ATRX: variants seen among roughly 807,000 people sequenced by gnomAD.
ATRX encodes the protein ATRX chromatin remodeler.
ATRX carries 12 observed loss-of-function variants against 172.6 expected under a neutral mutation model. The ratio of observed to expected loss-of-function variants is 0.07; its 90% CI spans 0.04 to 0.11. ATRX has a LOEUF of 0.11. Among genes scored for constraint, ATRX ranks in the 10% least tolerant of loss-of-function variants. The pLI, the probability that ATRX is intolerant of heterozygous loss-of-function variation, is 1.00. For missense variants in ATRX, 1,368 were observed against 1,767.4 expected (o/e 0.77, Z 4.05); for synonymous variants, 674 against 594.7 (o/e 1.13, Z -1.94).
At chrX:77,564,617 C>T (rs1449978905) in intron 28 of ATRX, among the ~76,000 whole-genome samples, 7 of 110,412 alleles carry the variant, frequency 6.3e-5, no homozygotes, top group Non-Finnish European at 1.3e-4. Flanking sequence ...AACTCCTGGG[C>T]TCAAGTGATC....
chrX:77,667,689 A>C, intron 10 of ATRX, among the ~76,000 whole-genome samples: 1 of 112,040 alleles, frequency 8.9e-6, no homozygotes, highest in East Asian at 2.8e-4. Context: ...CAAGTTCTGG[A>C]TTGTCATTAG....
rs782209184 is a variant in ATRX, at chrX:77,617,895, T to A, written c.5448+911A>T. 1.8e-3 allele frequency among the ~76,000 whole-genome samples: 194 copies of A among 109,562 alleles called. 2 individuals are homozygous for A. The highest frequency in any genetic ancestry group is 5.9e-3 in the African/African-American group (176 of 30,071). On this transcript the variant is annotated intron_variant, in intron 21 of 34. Coordinates refer to ENST00000373344, the MANE Select transcript of ATRX (RefSeq NM_000489.6). ...CCGTGGCTGGCTAATTTTTTAAAAC[T>A]TTTTTTAGAGACAGGGTCTTGCTCT...
chrX:77,576,574 T>C (rs2065628043), intron 27 of ATRX, among the ~76,000 whole-genome samples: 1 of 111,410 alleles, frequency 9.0e-6, no homozygotes, highest in African/African-American at 3.3e-5. Context: ...AAGGGTAATT[T>C]ATTCCCTTAC....
At chrX:77,659,750 C>T (rs1603121175) in intron 12 of ATRX, among the ~76,000 whole-genome samples, 1 of 111,546 alleles carries the variant, frequency 9.0e-6, no homozygotes, top group Middle Eastern at 4.6e-3. Flanking sequence ...TCACATGTTG[C>T]ACTTTGTTCT....
chrX:77,595,126 ATACT>A (rs2148122491), intron 25 of ATRX: 1 of 112,345 alleles, frequency 8.9e-6, no homozygotes, highest in East Asian at 2.8e-4. Flanking sequence ...CATTTTAGAC[ATACT>A]TATAGTCTTT....
At chrX:77,704,816 A>G (rs1213872356) in intron 2 of ATRX, among the ~76,000 whole-genome samples, 1 of 112,115 alleles carries the variant, frequency 8.9e-6, no homozygotes, top group Non-Finnish European at 1.9e-5. Flanking sequence ...CAGCAGGAGC[A>G]GGCACTCCCA....
intron 27 of ATRX, among the ~76,000 whole-genome samples, chrX:77,581,788 T>A (rs1557074046): frequency 8.9e-6 from 1 of 112,006 alleles, no homozygotes; most frequent in East Asian, 2.8e-4. Context: ...ACAAAACAAG[T>A]CTTAAAACAT....
intron 30 of ATRX, among the ~76,000 whole-genome samples, chrX:77,531,150 C>T (rs1195373854): frequency 9.0e-6 from 1 of 111,238 alleles, no homozygotes; most frequent in Non-Finnish European, 1.9e-5. Flanking sequence ...AATAGCCTAC[C>T]AGCCAAAAAA....
intron 15 of ATRX, among the ~76,000 whole-genome samples, chrX:77,650,633 A>G (rs2069166638): frequency 9.0e-6 from 1 of 110,745 alleles, no homozygotes; most frequent in Non-Finnish European, 1.9e-5. Flanking sequence ...CACCCAGACT[A>G]AAGTGCAATG....
intron 1 of ATRX, among the ~76,000 whole-genome samples, chrX:77,737,220 C>T (rs1291563111): frequency 5.5e-5 from 6 of 109,916 alleles, no homozygotes; most frequent in Admixed American, 2.9e-4. Context: ...GTCAGGAGTT[C>T]GATAGCAGCC....
At chrX:77,652,042 C>T (rs2069271187) in intron 15 of ATRX, 72 bp downstream of exon 15, 10 of 1,135,488 alleles carry the variant, frequency 8.8e-6, no homozygotes, top group Admixed American at 4.4e-5. Context: ...CCCAAGAGTT[C>T]GAGGCCAGCC....
At chrX:77,646,916 CTG>C (rs1176500850) in intron 15 of ATRX, among the ~76,000 whole-genome samples, 2 of 105,617 alleles carry the variant, frequency 1.9e-5, no homozygotes, top group Non-Finnish European at 3.9e-5. Context: ...GAGCAAGACA[CTG>C]TGTCTTTAAA....
At chrX:77,765,898 C>G (rs1262542441) in intron 1 of ATRX, among the ~76,000 whole-genome samples, 9 of 107,821 alleles carry the variant, frequency 8.3e-5, no homozygotes, top group African/African-American at 2.0e-4. Context: ...TGATTCTTAA[C>G]GAGCATGCTG....
At chrX:77,760,516 T>C (rs1281796091) in intron 1 of ATRX, among the ~76,000 whole-genome samples, 1 of 105,617 alleles carries the variant, frequency 9.5e-6, no homozygotes, top group Non-Finnish European at 2.0e-5. Context: ...ATATACCTAA[T>C]GCTAGATGAC....
intron 2 of ATRX, among the ~76,000 whole-genome samples, chrX:77,700,278 A>G (rs1557152717): frequency 8.9e-6 from 1 of 112,295 alleles, no homozygotes; most frequent in Non-Finnish European, 1.9e-5. Flanking sequence ...TGCAAATTAA[A>G]ACAATATACC....
chrX:77,750,281 C>T (rs1156775324), intron 1 of ATRX, among the ~76,000 whole-genome samples: 3 of 111,172 alleles, frequency 2.7e-5, no homozygotes, highest in African/African-American at 9.8e-5. Context: ...TTTCAGGCAT[C>T]CATTGGGGTC....
At chrX:77,650,697 G>C (rs2069171565) in intron 15 of ATRX, among the ~76,000 whole-genome samples, 1 of 110,156 alleles carries the variant, frequency 9.1e-6, no homozygotes, top group Non-Finnish European at 1.9e-5. Flanking sequence ...CAATTCTCCT[G>C]TCTCAGCCTC....
chrX:77,782,714 T>C (rs781902916), intron 1 of ATRX, among the ~76,000 whole-genome samples: 7 of 111,079 alleles, frequency 6.3e-5, no homozygotes, highest in East Asian at 2.8e-4. Flanking sequence ...GATGGTGCCA[T>C]TGCACTCCAG....
rs45514192 is a variant in ATRX at position 77,615,487 on chromosome X, T to C, written c.5566+1126A>G. 8.6e-4 allele frequency among the ~76,000 whole-genome samples: 96 copies of C among 111,826 alleles called. No individual in the cohort carries two copies. In the East Asian group the frequency reaches 0.024, roughly 27 times the overall value. On this transcript the variant is annotated intron_variant, in intron 22 of 34. Transcript: ENST00000373344. ...CTTAAACTATACAGCAACTCTCTCA[T>C]TGGGATAACTATTTGGTTATTTAAT...
Sources: gnomAD v4.1 joint callset for allele counts (sites outside exome capture counted in the v4.1 genomes callset) on GRCh38, gnomAD v4.1.1 for gene constraint, MANE v1.5 for transcripts, NCBI Gene and HGNC (gene_info 2026-07-23, HGNC 2026-07-21) for gene names.